Variants in USP19 observed in about 807,000 individuals in gnomAD.
USP19 encodes the protein ubiquitin carboxyl-terminal hydrolase 19.
A neutral mutation model predicts 144.8 loss-of-function variants in USP19; 40 were observed. The ratio of observed to expected loss-of-function variants is 0.28; its 90% CI spans 0.21 to 0.36. The LOEUF is 0.36. Among genes scored for constraint, USP19 ranks in the 10% least tolerant of loss-of-function variants. USP19 has a pLI of 1.00. For synonymous variants in USP19, 701 were observed against 709.3 expected, an observed-to-expected ratio of 0.99 and a Z score of 0.19; for missense variants, 1,518 against 1,822.5, an observed-to-expected ratio of 0.83 and a Z score of 3.04.
chr3:49,116,069 G>GC lies in USP19; in HGVS notation c.1448dup (p.Leu484ProfsTer49), dbSNP rs775252063. On this transcript the variant is annotated frameshift_variant, in exon 10 of 27. Transcript: ENST00000417901. LOFTEE classifies it high-confidence loss of function. This position sits in a 1 kb window ranked among gnomAD's most constrained non-coding sequence, Gnocchi z 5.0. Reference sequence around the variant, plus strand: ...GACCTCGTGCAGCCGGGGCCTCCAGGCCCCCCCAGCGCTGACTCTGCCTCT... The same window carrying GC: ...GACCTCGTGCAGCCGGGGCCTCCAGGCCCCCCCCAGCGCTGACTCTGCCTCT... 1.0e-5 allele frequency: 16 copies of GC among 1,604,058 alleles called. No individual in the cohort carries two copies. The highest frequency in any genetic ancestry group is 8.5e-7 in the Non-Finnish European group (1 of 1,177,510).
In USP19 at chr3:49,111,155, G is replaced by A. The variant is rs1182582041; in HGVS notation, c.3340C>T (p.Leu1114=). The A allele has an allele frequency of 6.2e-7, 1 of 1,613,748 alleles. No homozygotes were observed. The highest frequency in any genetic ancestry group is 8.5e-7 in the Non-Finnish European group (1 of 1,180,042). Reference sequence around the variant, plus strand: ...AGGCTACAGTCGTCACCCAGCTCCAGTGGGGTGTCTCCTGGAGATTCGCAG... The same window carrying A: ...AGGCTACAGTCGTCACCCAGCTCCAATGGGGTGTCTCCTGGAGATTCGCAG... ...QRLEDKGDTP[L]ELGDDCSLAL... Residue 1114 remains leucine, a synonymous_variant, in exon 23 of 27, where the codon CTG becomes TTG. Coordinates refer to ENST00000417901, the MANE Select transcript of USP19 (RefSeq NM_001199161.2). The surrounding 1 kb of genome is among the most constrained non-coding windows in gnomAD (Gnocchi z 5.9).
chr3:49,108,400 G>C lies in USP19; in HGVS notation c.*12C>G. ...GTCCCAAACCCAGTCCCCCCCATCA[G>C]CCAGGGACCTGCTAATCCACCTCCT... On this transcript the variant is annotated 3_prime_UTR_variant, in exon 27 of 27. Transcript: ENST00000417901. The surrounding 1 kb of genome is among the most constrained non-coding windows in gnomAD (Gnocchi z 4.8). The C allele has an allele frequency of 3.2e-6, 4 of 1,261,416 alleles. No individual in the cohort carries two copies. The highest frequency in any genetic ancestry group is 4.3e-6 in the Non-Finnish European group (4 of 939,724). 78.1% of individuals were successfully genotyped at this position (1,261,416 alleles called of 1,614,324 possible).
intron 1 of USP19, 182 bp downstream of exon 1, chr3:49,120,574 C>T (rs1560057208): frequency 6.6e-6 from 1 of 152,636 alleles, no homozygotes; most frequent in African/African-American, 2.4e-5. Context: ...CAGTCCTCTC[C>T]CAGGTGGGAG....
chr3:49,115,777 T>C lies in USP19; in HGVS notation c.1639A>G (p.Thr547Ala). 4 of 1,613,848 alleles carry C rather than the reference T, an allele frequency of 2.5e-6. No individual in the cohort carries two copies. The South Asian group carries it at 3.3e-5, about 13-fold the overall frequency. The change falls in exon 11 of 27, where the codon ACC becomes GCC. Residue 547 changes from threonine (T) to alanine (A), a missense_variant. By Grantham distance (58) the Thr-to-Ala change is moderately conservative (BLOSUM62 0). This residue lies in a region of USP19 where 707 missense variants were observed against 728.9 expected (regional missense o/e 0.97). Transcript: ENST00000417901. The surrounding 1 kb of genome is among the most constrained non-coding windows in gnomAD (Gnocchi z 6.6). ...SEDTGLDSVATRTPMEHVTPK... is the reference protein window; with the variant it reads ...SEDTGLDSVAARTPMEHVTPK... ...GTTACATGCTCCATGGGTGTGCGGG[T>C]TGCCACACTGTCTAGCCCTGTGTCC...
intron 26 of USP19, among the ~76,000 whole-genome samples, chr3:49,109,544 C>T (rs2042826137): frequency 6.6e-6 from 1 of 152,224 alleles, no homozygotes; most frequent in Non-Finnish European, 1.5e-5. Flanking sequence ...TGCTCCTTCC[C>T]ACCCATACCC....
At chr3:49,109,268 A>T (rs1481242083) in intron 26 of USP19, 32 of 1,421,446 alleles carry the variant, frequency 2.3e-5, no homozygotes, top group Non-Finnish European at 2.7e-5. Flanking sequence ...TGACAGTCCC[A>T]CCTGGGGTGA....
chr3:49,111,459 A>G lies in USP19; in HGVS notation c.3217+41T>C. On this transcript the variant is annotated intron_variant, in intron 21 of 26. Coordinates refer to ENST00000417901, the MANE Select transcript of USP19 (RefSeq NM_001199161.2). The surrounding 1 kb of genome is among the most constrained non-coding windows in gnomAD (Gnocchi z 5.9). ...ACAACAGCCCCCTCCATCCTCCCTT[A>G]TCCTCCTCCCCAGCTTCTAGAGCCT... is the stretch of plus-strand genomic sequence containing the variant. The G allele has an allele frequency of 6.2e-7, 1 of 1,611,704 alleles. No homozygotes were observed. The highest frequency in any genetic ancestry group is 8.5e-7 in the Non-Finnish European group (1 of 1,179,326).
Position 49,111,981 on chromosome 3 carries a change from A to G in USP19, c.2833T>C (p.Phe945Leu). 1 of 1,614,092 alleles carries G rather than the reference A, an allele frequency of 6.2e-7. No homozygotes were observed. Among genetic ancestry groups the G allele is most frequent in the Non-Finnish European group, 8.5e-7 (1 of 1,180,034 alleles). ...LCRPENIGYP[F>L]LVSVPASRLT... ...CGTGAGGCAGGTACACTGACCAGGA[A>G]GGGGTAGCCAATGTTCTCAGGTCGG... The change falls in exon 20 of 27, where the codon TTC becomes CTC. Residue 945 changes from phenylalanine to leucine, a missense_variant. By Grantham distance (22) the Phe-to-Leu change is conservative. Around this residue, in one of 5 missense-constraint regions of USP19, gnomAD observed 413 missense variants for 515.8 expected, o/e 0.80. Coordinates refer to ENST00000417901, the MANE Select transcript of USP19 (RefSeq NM_001199161.2). The surrounding 1 kb of genome is among the most constrained non-coding windows in gnomAD (Gnocchi z 5.9).
Position 49,115,795 on chromosome 3 carries a change from C to T in USP19, c.1621G>A (p.Gly541Arg). The change falls in exon 11 of 27, where the codon GGG (glycine) becomes AGG (arginine). Residue 541 changes from glycine (G) to arginine (R), a missense_variant. This residue lies in a region of USP19 where 707 missense variants were observed against 728.9 expected (regional missense o/e 0.97). Transcript: ENST00000417901. This position sits in a 1 kb window ranked among gnomAD's most constrained non-coding sequence, Gnocchi z 6.6. ...GTGCGGGTTGCCACACTGTCTAGCC[C>T]TGTGTCCTCAGATCGTGCCTTGGAT... ...DKSKARSEDT[G>R]LDSVATRTPM... 6.2e-7 allele frequency: 1 copy of T among 1,614,116 alleles called. No individual in the cohort carries two copies.
chr3:49,116,696 T>C lies in USP19; in HGVS notation c.1126+31A>G. 1 of 1,607,504 alleles carries C rather than the reference T, an allele frequency of 6.2e-7. No homozygotes were observed. Among genetic ancestry groups the C allele is most frequent in the South Asian group, 1.1e-5 (1 of 90,098 alleles). Reference sequence around the variant, plus strand: ...CACCTACAAACTTTGCAACCCAACCTAGGGCTCTGCCTGCCCACCCCCACC... The same window carrying C: ...CACCTACAAACTTTGCAACCCAACCCAGGGCTCTGCCTGCCCACCCCCACC... On this transcript the variant is annotated intron_variant, in intron 7 of 26. Coordinates refer to ENST00000417901, the MANE Select transcript of USP19 (RefSeq NM_001199161.2). This position sits in a 1 kb window ranked among gnomAD's most constrained non-coding sequence, Gnocchi z 5.0.
At position 49,110,743 on chromosome 3, in the gene USP19, G is replaced by C. The variant is rs1388378147; in HGVS notation, c.3666C>G (p.Asp1222Glu). The stretch of plus-strand genomic sequence containing the variant: ...GGAACTCCACCAAGTCATTGATCTT[G>C]TCACGCCAGATAAAACTACGAAAGG... The part of the protein sequence containing the change: ...RFSFRSFIWR[D>E]KINDLVEFPV... Residue 1222 changes from aspartate to glutamate, a missense_variant, in exon 24 of 27, where the codon GAC becomes GAG. Coordinates refer to ENST00000417901, the MANE Select transcript of USP19 (RefSeq NM_001199161.2). This position sits in a 1 kb window ranked among gnomAD's most constrained non-coding sequence, Gnocchi z 6.1. 6.2e-7 allele frequency: 1 copy of C among 1,614,020 alleles called. No homozygotes were observed. Among genetic ancestry groups the C allele is most frequent in the Non-Finnish European group, 8.5e-7 (1 of 1,180,052 alleles).
intron 1 of USP19, among the ~76,000 whole-genome samples, chr3:49,120,019 C>T (rs575985050): frequency 6.6e-6 from 1 of 152,290 alleles, no homozygotes; most frequent in East Asian, 1.9e-4. Flanking sequence ...AAATTATCAC[C>T]TTCCTTCCCA....
chr3:49,110,183 C>T lies in USP19; in HGVS notation c.4038+1G>A. ...TCTGTAAAGCCTCCCACATGCCTCA[C>T]CTGGCTGGCAGCAGCCTCAGCTGCA... On this transcript the variant is annotated splice_donor_variant, in intron 26 of 26. Coordinates refer to ENST00000417901, the MANE Select transcript of USP19 (RefSeq NM_001199161.2). LOFTEE classifies it high-confidence loss of function. The surrounding 1 kb of genome is among the most constrained non-coding windows in gnomAD (Gnocchi z 6.1). The T allele has an allele frequency of 6.6e-7, 1 of 1,516,690 alleles. No homozygotes were observed. The highest frequency in any genetic ancestry group is 8.8e-7 in the Non-Finnish European group (1 of 1,133,098). 94.0% of individuals were successfully genotyped at this position (1,516,690 alleles called of 1,614,324 possible).
rs4355315 is a variant in USP19, at chr3:49,111,184, G to A, written c.3329-18C>T. 36 of 1,614,058 alleles carry A rather than the reference G, an allele frequency of 2.2e-5. No homozygotes were observed. The African/African-American group carries it at 3.6e-4, about 16-fold the overall frequency. ...GGTGTCTCCTGGAGATTCGCAGGGA[G>A]AGAGGTCATGCAGCTGTGGAGAACA... On this transcript the variant is annotated intron_variant, in intron 22 of 26. Coordinates refer to ENST00000417901, the MANE Select transcript of USP19 (RefSeq NM_001199161.2). The surrounding 1 kb of genome is among the most constrained non-coding windows in gnomAD (Gnocchi z 5.9).
Position 49,112,155 on chromosome 3 carries a change from C to T in USP19, c.2766-107G>A, listed in dbSNP as rs1310158601. The T allele has an allele frequency of 3.2e-6, 5 of 1,547,498 alleles. No homozygotes were observed. The highest frequency in any genetic ancestry group is 3.5e-6 in the Non-Finnish European group (4 of 1,144,988). On this transcript the variant is annotated intron_variant, in intron 19 of 26. Transcript: ENST00000417901. The surrounding 1 kb of genome is among the most constrained non-coding windows in gnomAD (Gnocchi z 4.9). ...GAACTGGGTACGCCAGCCCTGCCTCCCCCAGAGCCTGGTAAAGTAGGGTGG... is the reference window on the plus strand; with the variant it reads ...GAACTGGGTACGCCAGCCCTGCCTCTCCCAGAGCCTGGTAAAGTAGGGTGG...
In USP19 at chr3:49,115,182, C is replaced by G; in HGVS notation, c.2022+46G>C. ...ACCCACTGCACACCCAGCTGGCTGG[C>G]CCTCCCCGCCCCCTCCAGCCAAGGG... On this transcript the variant is annotated intron_variant, in intron 13 of 26. Transcript: ENST00000417901. The surrounding 1 kb of genome is among the most constrained non-coding windows in gnomAD (Gnocchi z 6.6). 6.2e-7 allele frequency: 1 copy of G among 1,612,592 alleles called. No individual in the cohort carries two copies. The highest frequency in any genetic ancestry group is 1.1e-5 in the South Asian group (1 of 91,012).
rs2043331846 is a variant in USP19, at chr3:49,112,509, C to T, written c.2626G>A (p.Val876Met). 1.2e-6 allele frequency: 2 copies of T among 1,613,944 alleles called. No individual in the cohort carries two copies. The highest frequency in any genetic ancestry group is 1.7e-6 in the Non-Finnish European group (2 of 1,179,872). The stretch of plus-strand genomic sequence containing the variant: ...CTCACCTGTTGCACCTCTAGCACCA[C>T]TACCCGCTCCTTAGCCAACTCTGAG... ...LSSELAKERV[V>M]VLEVQQRPQV... The change falls in exon 18 of 27, where the codon GTG (valine) becomes ATG (methionine). Residue 876 changes from valine (V) to methionine (M), a missense_variant. Val to Met is a conservative substitution (Grantham distance 21). Coordinates refer to ENST00000417901, the MANE Select transcript of USP19 (RefSeq NM_001199161.2). The surrounding 1 kb of genome is among the most constrained non-coding windows in gnomAD (Gnocchi z 4.9).
At position 49,115,558 on chromosome 3, in the gene USP19, TCTCTTC is replaced by T. The variant is rs2043939528; in HGVS notation, c.1768_1773del (p.Glu590_Glu591del). ...GTGAAGCCTGGCAGACACACCTTCT[TCTCTTC>T]CTCTTCCTCCTCCTCCACGCTGTCT... On this transcript the variant is annotated inframe_deletion, in exon 12 of 27. Transcript: ENST00000417901. The surrounding 1 kb of genome is among the most constrained non-coding windows in gnomAD (Gnocchi z 6.6). The T allele has an allele frequency of 6.2e-7, 1 of 1,613,902 alleles. No homozygotes were observed. Among genetic ancestry groups the T allele is most frequent in the Non-Finnish European group, 8.5e-7 (1 of 1,179,928 alleles).
rs2043723512 is a variant in USP19 at position 49,114,351 on chromosome 3, G to C, written c.2293-67C>G. 6.6e-7 allele frequency: 1 copy of C among 1,508,162 alleles called. No homozygotes were observed. Among genetic ancestry groups the C allele is most frequent in the African/African-American group, 1.4e-5 (1 of 72,500 alleles). The allele number at this position is 1,508,162 out of a possible 1,614,324, so 93.4% of individuals were successfully genotyped here. A position where few individuals can be genotyped will look rare whatever the true frequency, so the allele number is the denominator to read the frequency against. On this transcript the variant is annotated intron_variant, in intron 15 of 26. Transcript: ENST00000417901. This position sits in a 1 kb window ranked among gnomAD's most constrained non-coding sequence, Gnocchi z 4.5. ...GGGAGATAAGATGCTCATGCTCAGA[G>C]AGCCCATTCCGGGGCTTCTGATGGC...
Sources: allele counts gnomAD v4.1 joint callset (sites outside exome capture counted in the v4.1 genomes callset), GRCh38; gene constraint gnomAD v4.1.1; regional missense constraint gnomAD v4.1.1; non-coding constraint Gnocchi (gnomAD v3.1); transcripts MANE v1.5; gene names NCBI Gene and HGNC (gene_info 2026-07-23, HGNC 2026-07-21).